UBTD1: variants seen among roughly 807,000 people sequenced by gnomAD.
The protein encoded by UBTD1 is ubiquitin domain containing 1.
A neutral mutation model predicts 21.7 loss-of-function variants in UBTD1; 19 were observed. The observed-to-expected ratio is 0.87, with a 90% CI of 0.61 to 1.28. The LOEUF (loss-of-function observed/expected upper bound fraction) is 1.28, where lower values mean the gene tolerates loss of function less well. Among genes scored for constraint, UBTD1 ranks in the 50% most tolerant of loss-of-function variants. The pLI is 0.00. For synonymous variants in UBTD1, 116 were observed against 135.1 expected (o/e 0.86, Z 0.98); for missense variants, 282 against 315.1 (o/e 0.89, Z 0.80).
At chr10:97,506,139 G>T (rs552930351) in intron 1 of UBTD1, among the ~76,000 whole-genome samples, 1 of 152,204 alleles carries the variant, frequency 6.6e-6, no homozygotes, top group South Asian at 2.1e-4. Flanking sequence ...GACCTGGGGT[G>T]GGGGAGGGAC....
chr10:97,532,181 G>A (rs1240885134), intron 1 of UBTD1, among the ~76,000 whole-genome samples: 2 of 152,192 alleles, frequency 1.3e-5, no homozygotes, highest in Non-Finnish European at 2.9e-5. Context: ...GGGTCAAGGC[G>A]CTCTCAGTCT....
At chr10:97,549,436 C>G (rs879650746) in intron 1 of UBTD1, among the ~76,000 whole-genome samples, 1 of 152,252 alleles carries the variant, frequency 6.6e-6, no homozygotes, top group Non-Finnish European at 1.5e-5. Context: ...CCATTTCACT[C>G]GCCCGTGCAG....
intron 1 of UBTD1, among the ~76,000 whole-genome samples, chr10:97,536,732 A>T (rs2040563545): frequency 2.0e-5 from 3 of 152,032 alleles, no homozygotes; most frequent in Admixed American, 2.0e-4. Context: ...AATGACTCCT[A>T]CCTCACCCTC....
intron 1 of UBTD1, among the ~76,000 whole-genome samples, chr10:97,527,950 A>G (rs1165462059): frequency 1.3e-5 from 2 of 152,070 alleles, no homozygotes; most frequent in African/African-American, 2.4e-5. Flanking sequence ...CCCGTTCTCA[A>G]TGAGCTGCTG....
chr10:97,562,238 A>G (rs553676058), intron 1 of UBTD1, among the ~76,000 whole-genome samples: 2 of 152,294 alleles, frequency 1.3e-5, no homozygotes, highest in East Asian at 3.9e-4. Flanking sequence ...CCCCGTTTCT[A>G]CTACAGATAC....
intron 1 of UBTD1, among the ~76,000 whole-genome samples, chr10:97,556,890 C>G (rs1056285922): frequency 1.3e-5 from 2 of 152,200 alleles, no homozygotes; most frequent in African/African-American, 4.8e-5. Context: ...TGGAACTCCA[C>G]CATGTAACTG....
chr10:97,570,301 C>T lies in UBTD1; in HGVS notation c.462C>T (p.Arg154=), dbSNP rs777152494. The T allele has an allele frequency of 6.2e-7, 1 of 1,613,216 alleles. No homozygotes were observed. The highest frequency in any genetic ancestry group is 1.7e-5 in the Admixed American group (1 of 60,012). Residue 154 remains arginine (R), a synonymous_variant, in exon 3 of 3, where the codon CGC becomes CGT. Coordinates refer to ENST00000370664, the MANE Select transcript of UBTD1 (RefSeq NM_024954.5). The surrounding 1 kb of genome is among the most constrained non-coding windows in gnomAD (Gnocchi z 6.6). ...GCCGTGAGTTCCCGCTGAAGGTGCGCCTGTCCACGGGCAAGGACGTGAGGC... is the reference window on the plus strand; with the variant it reads ...GCCGTGAGTTCCCGCTGAAGGTGCGTCTGTCCACGGGCAAGGACGTGAGGC... ...SVRREFPLKV[R]LSTGKDVRLS... is the part of the protein sequence containing the mutation.
rs370500522 is a variant in UBTD1, at chr10:97,518,276, G to A, written c.70+19003G>A. 1.8e-4 allele frequency among the ~76,000 whole-genome samples: 28 copies of A among 152,272 alleles called. 2 individuals are homozygous for A. In the East Asian group the frequency reaches 4.8e-3, roughly 26 times the overall value. On this transcript the variant is annotated intron_variant, in intron 1 of 2. Transcript: ENST00000370664. ...CTGAGGTCAACAGGGGAGAACCTGC[G>A]GCTTCCTTCCTGTTTGATGCCGACC...
chr10:97,524,655 G>A (rs1408537321), intron 1 of UBTD1, among the ~76,000 whole-genome samples: 2 of 152,238 alleles, frequency 1.3e-5, no homozygotes, highest in African/African-American at 4.8e-5. Flanking sequence ...TAAAGAATGA[G>A]GAGTTTGTTT....
At chr10:97,545,808 A>G (rs1435899477) in intron 1 of UBTD1, among the ~76,000 whole-genome samples, 1 of 152,188 alleles carries the variant, frequency 6.6e-6, no homozygotes. Context: ...GGGTAACTAT[A>G]ATTACTATTA....
intron 1 of UBTD1, among the ~76,000 whole-genome samples, chr10:97,515,695 A>T (rs898211166): frequency 6.6e-6 from 1 of 152,036 alleles, no homozygotes; most frequent in Non-Finnish European, 1.5e-5. Flanking sequence ...CACGGTCCCA[A>T]ATGTTCCTGC....
chr10:97,500,546 T>TC (rs1238376305), intron 1 of UBTD1, among the ~76,000 whole-genome samples: 1 of 152,246 alleles, frequency 6.6e-6, no homozygotes, highest in African/African-American at 2.4e-5. Flanking sequence ...TGGCTTGCTT[T>TC]CATTCATTCA....
intron 1 of UBTD1, among the ~76,000 whole-genome samples, chr10:97,523,179 G>T (rs886894164): frequency 6.6e-6 from 1 of 152,152 alleles, no homozygotes; most frequent in African/African-American, 2.4e-5. Context: ...CCTGCCAGCC[G>T]CCCAGAACAC....
intron 1 of UBTD1, among the ~76,000 whole-genome samples, chr10:97,558,632 C>T (rs1036873962): frequency 6.7e-6 from 1 of 150,242 alleles, no homozygotes; most frequent in Non-Finnish European, 1.5e-5. Flanking sequence ...GGGCTGGGGC[C>T]GACATGAATT....
chr10:97,500,836 C>T (rs760711318), intron 1 of UBTD1, among the ~76,000 whole-genome samples: 1 of 152,214 alleles, frequency 6.6e-6, no homozygotes, highest in Non-Finnish European at 1.5e-5. Context: ...TATGCTTAAA[C>T]TTCAGCTCTT....
At chr10:97,521,643 C>G (rs2040467365) in intron 1 of UBTD1, among the ~76,000 whole-genome samples, 1 of 152,242 alleles carries the variant, frequency 6.6e-6, no homozygotes, top group Non-Finnish European at 1.5e-5. Context: ...GGAGCAGCAG[C>G]CTCCAGACTA....
intron 1 of UBTD1, among the ~76,000 whole-genome samples, chr10:97,506,543 CTA>C (rs2040400460): frequency 6.6e-6 from 1 of 151,960 alleles, no homozygotes; most frequent in African/African-American, 2.4e-5. Context: ...ATTTTTCAGT[CTA>C]TAGTTTTGTA....
intron 1 of UBTD1, among the ~76,000 whole-genome samples, chr10:97,535,968 A>AATTATTATT (rs760908517): frequency 0.27 from 24,423 of 89,794 alleles, 2,234 homozygotes; most frequent in South Asian, 0.33. Context: ...GTTGGAGAGA[A>AATTATTATT]ATTATTATTA....
chr10:97,570,938 G>GC lies in UBTD1; in HGVS notation c.*417dup, dbSNP rs1589887161. 1 of 174,492 alleles carries GC rather than the reference G, an allele frequency of 5.7e-6. No individual in the cohort carries two copies. Among genetic ancestry groups the GC allele is most frequent in the East Asian group, 1.4e-4 (1 of 6,954 alleles). 10.8% of individuals were successfully genotyped at this position (174,492 alleles called of 1,614,324 possible). On this transcript the variant is annotated 3_prime_UTR_variant, in exon 3 of 3. Coordinates refer to ENST00000370664, the MANE Select transcript of UBTD1 (RefSeq NM_024954.5). The surrounding 1 kb of genome is among the most constrained non-coding windows in gnomAD (Gnocchi z 6.6). ...CCCCTGGCTCTCCCCTGGGCACAGT[G>GC]CCACTCCCTTGGAAGGGAGGGAACC...
Sources: allele counts gnomAD v4.1 joint callset (sites outside exome capture counted in the v4.1 genomes callset), GRCh38; gene constraint gnomAD v4.1.1; non-coding constraint Gnocchi (gnomAD v3.1); transcripts MANE v1.5; gene names NCBI Gene and HGNC (gene_info 2026-07-23, HGNC 2026-07-21).